The following AFG2A variants were observed in gnomAD, a reference collection of about 807,000 sequenced individuals.
AFG2A encodes ATPase family gene 2 protein homolog A.
At chr4:123,202,085 C>T in the AFG2A span, among the ~76,000 whole-genome samples, 1 of 152,142 alleles carries the variant, frequency 6.6e-6, no homozygotes, top group Non-Finnish European at 1.5e-5. Context: ...TGCTTTACTC[C>T]ATTTCTACAT....
the AFG2A span, among the ~76,000 whole-genome samples, chr4:123,200,984 A>G: frequency 6.6e-6 from 1 of 152,212 alleles, no homozygotes; most frequent in Non-Finnish European, 1.5e-5. Flanking sequence ...AAGATTATTA[A>G]CTCACAAGGA....
At chr4:123,093,594 T>C in the AFG2A span, among the ~76,000 whole-genome samples, 1 of 152,194 alleles carries the variant, frequency 6.6e-6, no homozygotes, top group Non-Finnish European at 1.5e-5. Flanking sequence ...CAAGTCTTGT[T>C]GGTCTCCTAC....
chr4:122,994,625 GT>G, the AFG2A span, among the ~76,000 whole-genome samples: 1 of 151,850 alleles, frequency 6.6e-6, no homozygotes, highest in Non-Finnish European at 1.5e-5. Flanking sequence ...TTGGATTCTA[GT>G]TTTCAGAATT....
chr4:122,974,897 C>T, the AFG2A span, among the ~76,000 whole-genome samples: 1 of 152,040 alleles, frequency 6.6e-6, no homozygotes, highest in African/African-American at 2.4e-5. Context: ...GCCTTGGCCT[C>T]CCAAAGTGGT....
At chr4:123,018,121 G>C in the AFG2A span, among the ~76,000 whole-genome samples, 1 of 151,914 alleles carries the variant, frequency 6.6e-6, no homozygotes, top group East Asian at 1.9e-4. Context: ...ATTTTGTTTT[G>C]GGGTGTTTGG....
chr4:122,976,696 T>C, the AFG2A span, among the ~76,000 whole-genome samples: 1 of 152,166 alleles, frequency 6.6e-6, no homozygotes, highest in Non-Finnish European at 1.5e-5. Context: ...TGCTTCGCTC[T>C]TGTATTTCAA....
chr4:122,953,720 C>T, the AFG2A span, among the ~76,000 whole-genome samples: 10 of 152,264 alleles, frequency 6.6e-5, no homozygotes, highest in Non-Finnish European at 1.3e-4. Flanking sequence ...GTTCCTGCCA[C>T]TACCAGGTTG....
At chr4:123,276,295 G>A in the AFG2A span, among the ~76,000 whole-genome samples, 10 of 152,122 alleles carry the variant, frequency 6.6e-5, no homozygotes, top group African/African-American at 2.4e-4. Context: ...TTTTGAAAGT[G>A]TCTGTTCATA....
At chr4:123,188,616 T>C in the AFG2A span, among the ~76,000 whole-genome samples, 2 of 152,224 alleles carry the variant, frequency 1.3e-5, no homozygotes, top group East Asian at 3.8e-4. Flanking sequence ...TAGCAATATT[T>C]CCCCCGTAGC....
the AFG2A span, among the ~76,000 whole-genome samples, chr4:122,993,884 G>T: frequency 9.3e-4 from 141 of 151,878 alleles, no homozygotes; most frequent in Admixed American, 2.0e-3. Context: ...AGATAAAAGG[G>T]TATAGCTGGG....
chr4:123,285,290 T>C, the AFG2A span, among the ~76,000 whole-genome samples: 11 of 152,192 alleles, frequency 7.2e-5, no homozygotes, highest in Non-Finnish European at 1.6e-4. Flanking sequence ...TTCCTCTACT[T>C]CTTCCTGTCT....
the AFG2A span, chr4:123,028,122 A>ATT: frequency 7.6e-7 from 1 of 1,324,012 alleles, no homozygotes; most frequent in Non-Finnish European, 1.0e-6. Context: ...TATGTTTTTT[A>ATT]TTTTTTTTTA....
At chr4:123,208,732 T>A in the AFG2A span, among the ~76,000 whole-genome samples, 2 of 152,234 alleles carry the variant, frequency 1.3e-5, no homozygotes, top group East Asian at 3.9e-4. Flanking sequence ...AGATGGATAC[T>A]AAATTGGTTC....
chr4:123,007,566 ATATGTGTGTGTGTGTGTGTGTGTG>A, the AFG2A span, among the ~76,000 whole-genome samples: 177 of 40,196 alleles, frequency 4.4e-3, no homozygotes, highest in Middle Eastern at 0.013. Flanking sequence ...GTGTGTGTGT[ATATGTGTGTGTGTGTGTGTGTGTG>A]TGTGTGTGTG....
At chr4:122,944,119 A>G in the AFG2A span, among the ~76,000 whole-genome samples, 20 of 152,146 alleles carry the variant, frequency 1.3e-4, no homozygotes, top group East Asian at 9.7e-4. Flanking sequence ...GTGTCTTGGA[A>G]TTGCTCTTCT....
chr4:122,982,092 A>G, the AFG2A span, among the ~76,000 whole-genome samples: 1 of 152,098 alleles, frequency 6.6e-6, no homozygotes, highest in East Asian at 1.9e-4. Context: ...TCTTAGAGGA[A>G]AAGTTTTTAG....
the AFG2A span, among the ~76,000 whole-genome samples, chr4:123,102,843 C>A: frequency 9.1e-6 from 1 of 109,778 alleles, no homozygotes; most frequent in East Asian, 2.4e-4. Flanking sequence ...TGTGTGGTGT[C>A]AAAAAAGTAT....
the AFG2A span, among the ~76,000 whole-genome samples, chr4:122,978,723 C>T: frequency 6.6e-6 from 1 of 152,356 alleles, no homozygotes; most frequent in African/African-American, 2.4e-5. Context: ...GCCTCCCTCA[C>T]ATACTCATTG....
At chr4:123,254,487 GAAGTC>G in the AFG2A span, among the ~76,000 whole-genome samples, 1 of 152,008 alleles carries the variant, frequency 6.6e-6, no homozygotes, top group Admixed American at 6.5e-5. Context: ...TATAAGTTTT[GAAGTC>G]AAGTAGTGTA....
Sources: gnomAD v4.1 joint callset for allele counts (sites outside exome capture counted in the v4.1 genomes callset) on GRCh38, gnomAD v4.1.1 for gene constraint, MANE v1.5 for transcripts, NCBI Gene and HGNC (gene_info 2026-07-23, HGNC 2026-07-21) for gene names.